The following HIP1 variants were observed in gnomAD, a reference collection of about 807,000 sequenced individuals.
The protein encoded by HIP1 is huntingtin-interacting protein 1.
HIP1 carries 65 observed loss-of-function variants against 147.6 expected under a neutral mutation model. The observed-to-expected ratio is 0.44, with a 90% CI of 0.36 to 0.54. The LOEUF (loss-of-function observed/expected upper bound fraction) is 0.54. HIP1 is among the 20% of genes least tolerant of loss of function. The probability of loss-of-function intolerance (pLI) is 0.00; values close to 1 mark genes in which losing one functional copy is unlikely to be tolerated. For missense variants in HIP1, 1,061 were observed against 1,299.6 expected (o/e 0.82, Z 2.82); for synonymous variants, 479 against 504.0 (o/e 0.95, Z 0.67).
At chr7:75,545,772 C>T (rs1170985820) in intron 25 of HIP1, among the ~76,000 whole-genome samples, 1 of 151,638 alleles carries the variant, frequency 6.6e-6, no homozygotes, top group Non-Finnish European at 1.5e-5. Flanking sequence ...GGTGAAACTC[C>T]GTCTCTACTA....
At chr7:75,714,697 C>T (rs181300697) in intron 1 of HIP1, among the ~76,000 whole-genome samples, 2 of 151,896 alleles carry the variant, frequency 1.3e-5, no homozygotes, top group Admixed American at 6.6e-5. Context: ...AGGTAATCCA[C>T]CTGCCTCGGC....
intron 27 of HIP1, among the ~76,000 whole-genome samples, chr7:75,543,291 T>G (rs1014969363): frequency 6.6e-6 from 1 of 152,168 alleles, no homozygotes; most frequent in African/African-American, 2.4e-5. Context: ...GTGAAACTCT[T>G]AAAAAGGATT....
chr7:75,618,055 G>A (rs1797728181), intron 1 of HIP1, among the ~76,000 whole-genome samples: 1 of 152,224 alleles, frequency 6.6e-6, no homozygotes. Context: ...GCAAGAGTGG[G>A]AAACCCTGGG....
chr7:75,571,486 C>T (rs886246335), intron 8 of HIP1, among the ~76,000 whole-genome samples: 8 of 152,280 alleles, frequency 5.3e-5, no homozygotes, highest in South Asian at 4.2e-4. Context: ...AGCATCTAGG[C>T]GATGCTACAC....
chr7:75,608,917 G>C (rs1797326430), intron 1 of HIP1, among the ~76,000 whole-genome samples: 1 of 152,182 alleles, frequency 6.6e-6, no homozygotes, highest in African/African-American at 2.4e-5. Flanking sequence ...ATCCACAGAA[G>C]GCTCTTGAGC....
chr7:75,724,049 G>A (rs559927851), intron 1 of HIP1, among the ~76,000 whole-genome samples: 2 of 150,920 alleles, frequency 1.3e-5, no homozygotes, highest in Non-Finnish European at 3.0e-5. Flanking sequence ...CTCCGCCCCC[G>A]GGGCTCAAGC....
chr7:75,734,219 C>A (rs1801937712), intron 1 of HIP1, among the ~76,000 whole-genome samples: 1 of 151,644 alleles, frequency 6.6e-6, no homozygotes. Context: ...GCACTCCAGC[C>A]TGAGCAACAG....
chr7:75,633,818 C>T (rs112956852), intron 1 of HIP1, among the ~76,000 whole-genome samples: 3 of 152,268 alleles, frequency 2.0e-5, no homozygotes, highest in South Asian at 2.1e-4. Flanking sequence ...GTCTTTTCCG[C>T]TCTGCCATCA....
At chr7:75,592,547 C>A in intron 2 of HIP1, 33 bp from the exon 3 acceptor site, 1 of 1,602,224 alleles carries the variant, frequency 6.2e-7, no homozygotes, top group African/African-American at 1.4e-5. Context: ...AACGGATGGG[C>A]TCTGCCAGTC....
At position 75,548,904 on chromosome 7, in the gene HIP1, G is replaced by A. The variant is rs201456921; in HGVS notation, c.2393C>T (p.Thr798Met). ...AATSAAIETATARIEEMLSKS... is the reference protein window; with the variant it reads ...AATSAAIETAMARIEEMLSKS... ...GGAACCTCCTACCTCTATTCTGGCCGTGGCAGTTTCAATAGCAGCTGAAGT... is the reference window on the plus strand; with the variant it reads ...GGAACCTCCTACCTCTATTCTGGCCATGGCAGTTTCAATAGCAGCTGAAGT... Residue 798 changes from threonine (T) to methionine (M), a missense_variant, in exon 23 of 31, where the codon ACG becomes ATG. Around this residue, in one of 3 missense-constraint regions of HIP1, gnomAD observed 810 missense variants for 946.8 expected, o/e 0.86. Transcript: ENST00000336926. 6.2e-6 allele frequency: 10 copies of A among 1,612,858 alleles called. No homozygotes were observed. The highest frequency in any genetic ancestry group is 5.3e-5 in the African/African-American group (4 of 75,012).
At chr7:75,552,951 T>G (rs190631702) in intron 22 of HIP1, among the ~76,000 whole-genome samples, 41 of 152,040 alleles carry the variant, frequency 2.7e-4, no homozygotes, top group Non-Finnish European at 5.0e-4. Context: ...TGATCCTTTT[T>G]TTTTTCGAGA....
chr7:75,624,940 T>A (rs1472884500), intron 1 of HIP1: 3 of 101,160 alleles, frequency 3.0e-5, no homozygotes, highest in East Asian at 4.1e-4. Context: ...TGTTTAATTT[T>A]TTTTTTTTTT....
At chr7:75,648,157 G>A (rs1420713405) in intron 1 of HIP1, among the ~76,000 whole-genome samples, 1 of 152,202 alleles carries the variant, frequency 6.6e-6, no homozygotes, top group Non-Finnish European at 1.5e-5. Context: ...GCTGGGGCTG[G>A]TTGGAGTAGC....
intron 1 of HIP1, among the ~76,000 whole-genome samples, chr7:75,730,190 A>G (rs1315281979): frequency 1.3e-5 from 2 of 151,996 alleles, no homozygotes; most frequent in African/African-American, 4.8e-5. Flanking sequence ...AGTGGACAGG[A>G]GGTAAAAGAG....
intron 12 of HIP1, among the ~76,000 whole-genome samples, 191 bp from the exon 13 acceptor site, chr7:75,561,592 C>T (rs916565861): frequency 1.2e-4 from 18 of 152,144 alleles, no homozygotes; most frequent in African/African-American, 4.3e-4. Context: ...TGATTTTCTT[C>T]TGAGATTAAA....
chr7:75,561,523 A>C (rs1253727886), intron 12 of HIP1, 122 bp from the exon 13 acceptor site: 6 of 723,670 alleles, frequency 8.3e-6, no homozygotes, highest in Non-Finnish European at 1.5e-5. Context: ...TTGAAATGCC[A>C]TAAATTATAC....
chr7:75,586,650 GCTGT>G, intron 5 of HIP1, 99 bp downstream of exon 5: 1 of 749,572 alleles, frequency 1.3e-6, no homozygotes, highest in Non-Finnish European at 2.4e-6. Context: ...AGAAGCCTGG[GCTGT>G]CTATTACCTG....
chr7:75,548,819 G>C, intron 23 of HIP1, 72 bp downstream of exon 23: 1 of 1,143,840 alleles, frequency 8.7e-7, no homozygotes, highest in Non-Finnish European at 1.3e-6. Flanking sequence ...ACTGTGACAT[G>C]TTTAATGAGC....
At position 75,660,031 on chromosome 7, in the gene HIP1, C is replaced by A. The variant is rs373891979; in HGVS notation, c.121-60784G>T. On this transcript the variant is annotated intron_variant, in intron 1 of 30. Transcript: ENST00000336926. Reference sequence around the variant, plus strand: ...GTCCCAGCTACTCGGGAGGCTGAGGCGGAAGAATCGCGTGAACCGGAGAAG... The same window carrying A: ...GTCCCAGCTACTCGGGAGGCTGAGGAGGAAGAATCGCGTGAACCGGAGAAG... Among the ~76,000 whole-genome samples the A allele has an allele frequency of 1.3e-3, 195 of 151,346 alleles. 1 individual carries two copies. Among genetic ancestry groups the A allele is most frequent in the African/African-American group, 4.6e-3 (190 of 41,208 alleles).
Sources: allele counts gnomAD v4.1 joint callset (sites outside exome capture counted in the v4.1 genomes callset), GRCh38; gene constraint gnomAD v4.1.1; regional missense constraint gnomAD v4.1.1; transcripts MANE v1.5; gene names NCBI Gene and HGNC (gene_info 2026-07-23, HGNC 2026-07-21).